The following ITPKB variants were observed in gnomAD, a reference collection of about 807,000 sequenced individuals.
The protein encoded by ITPKB is inositol-trisphosphate 3-kinase B.
In ITPKB, 13 loss-of-function variants were observed where a neutral mutation model predicts 69.4. That is an observed-to-expected ratio of 0.19 (90% CI 0.12 to 0.30). The LOEUF (loss-of-function observed/expected upper bound fraction) is 0.30. ITPKB is among the 10% of genes least tolerant of loss of function. The pLI is 1.00. For missense variants in ITPKB, 1,240 were observed against 1,250.5 expected (o/e 0.99, Z 0.13); for synonymous variants, 584 against 513.7 (o/e 1.14, Z -1.85).
chr1:226,721,374 T>G (rs910260144), intron 2 of ITPKB, among the ~76,000 whole-genome samples: 2 of 136,452 alleles, frequency 1.5e-5, no homozygotes, highest in Admixed American at 7.2e-5. Context: ...AAAAAAGAAA[T>G]AAAAGAAATA....
intron 2 of ITPKB, among the ~76,000 whole-genome samples, chr1:226,706,138 C>T (rs987079701): frequency 6.6e-6 from 1 of 152,224 alleles, no homozygotes; most frequent in Non-Finnish European, 1.5e-5. Flanking sequence ...CCCATTTCCA[C>T]TCCACAAACC....
At chr1:226,638,758 C>T (rs533461007) in intron 6 of ITPKB, among the ~76,000 whole-genome samples, 1 of 152,150 alleles carries the variant, frequency 6.6e-6, no homozygotes, top group African/African-American at 2.4e-5. Context: ...ACCTCGGGCA[C>T]ACAAGATGGG....
At chr1:226,639,737 A>T (rs1162803254) in intron 5 of ITPKB, 79 bp from the exon 6 acceptor site, 3 of 936,050 alleles carry the variant, frequency 3.2e-6, no homozygotes, top group Non-Finnish European at 5.2e-6. Context: ...ACCCAACACC[A>T]CAGAGCAGGC....
At chr1:226,665,946 C>A (rs1323235203) in intron 2 of ITPKB, among the ~76,000 whole-genome samples, 3 of 152,160 alleles carry the variant, frequency 2.0e-5, no homozygotes, top group African/African-American at 4.8e-5. Context: ...AGGAGTAAAT[C>A]ACAGGGCACT....
At chr1:226,703,253 C>G (rs532993736) in intron 2 of ITPKB, among the ~76,000 whole-genome samples, 15 of 152,324 alleles carry the variant, frequency 9.8e-5, no homozygotes, top group Non-Finnish European at 1.8e-4. Flanking sequence ...AGTGCTAGCA[C>G]CCGGGGTGTG....
chr1:226,692,416 C>T lies in ITPKB; in HGVS notation c.1932+43111G>A, dbSNP rs142689689. Among the ~76,000 whole-genome samples, 7 of 152,312 alleles carry T rather than the reference C, an allele frequency of 4.6e-5. No homozygotes were observed. The East Asian group carries it at 1.2e-3, about 25-fold the overall frequency. On this transcript the variant is annotated intron_variant, in intron 2 of 7. Transcript: ENST00000429204. ...CACATGAAATGGCGGGAAGACATTT[C>T]ATAAACACAAGTTCAAAAGCCCCTT...
At position 226,736,247 on chromosome 1, in the gene ITPKB, C is replaced by T. The variant is rs1305389468; in HGVS notation, c.1212G>A (p.Glu404=). 6.4e-7 allele frequency: 1 copy of T among 1,560,216 alleles called. No individual in the cohort carries two copies. The highest frequency in any genetic ancestry group is 8.7e-7 in the Non-Finnish European group (1 of 1,155,854). ...TGGACCAGCTCAGGGAATCAGAGGA[C>T]TCTGCGCTTTGCACGCTCACAGTCG... ...EETTVSVQSA[E]SSDSLSWSRL... is the part of the protein sequence containing the mutation. The change falls in exon 2 of 8, where the codon GAG becomes GAA. Residue 404 remains glutamate (E), a synonymous_variant. Transcript: ENST00000429204.
At chr1:226,646,963 C>G (rs988617305) in intron 4 of ITPKB, among the ~76,000 whole-genome samples, 4 of 152,212 alleles carry the variant, frequency 2.6e-5, no homozygotes, top group Non-Finnish European at 5.9e-5. Context: ...AGGAAAGGGG[C>G]CATCATGGGC....
intron 2 of ITPKB, among the ~76,000 whole-genome samples, chr1:226,658,658 G>T (rs74139746): frequency 1.3e-5 from 2 of 152,048 alleles, no homozygotes; most frequent in African/African-American, 4.8e-5. Flanking sequence ...GTCTCCACCC[G>T]CCGTGTGATG....
chr1:226,713,264 C>T (rs1657017097), intron 2 of ITPKB, among the ~76,000 whole-genome samples: 1 of 152,174 alleles, frequency 6.6e-6, no homozygotes, highest in African/African-American at 2.4e-5. Context: ...TGAGTTGCTG[C>T]CTGTGTCCCC....
intron 2 of ITPKB, among the ~76,000 whole-genome samples, chr1:226,679,940 C>T (rs1055982690): frequency 2.0e-5 from 3 of 152,098 alleles, no homozygotes; most frequent in African/African-American, 7.3e-5. Context: ...GCAGGCCAGG[C>T]GGAGAGGGCA....
At chr1:226,722,974 A>G (rs1048970752) in intron 2 of ITPKB, among the ~76,000 whole-genome samples, 4 of 151,184 alleles carry the variant, frequency 2.6e-5, no homozygotes, top group Non-Finnish European at 5.9e-5. Context: ...AAGGAAGGAG[A>G]GAGTTCCATT....
At chr1:226,649,874 G>GA (rs1669153066) in intron 2 of ITPKB, among the ~76,000 whole-genome samples, 1 of 151,504 alleles carries the variant, frequency 6.6e-6, no homozygotes, top group South Asian at 2.1e-4. Context: ...CATATTTTTA[G>GA]AAAAAATATC....
intron 2 of ITPKB, among the ~76,000 whole-genome samples, chr1:226,727,333 C>G (rs757011936): frequency 6.6e-6 from 1 of 152,122 alleles, no homozygotes; most frequent in Non-Finnish European, 1.5e-5. Context: ...GAGTTGAGCC[C>G]GGAAAGAATG....
At chr1:226,732,302 A>T (rs933886971) in intron 2 of ITPKB, among the ~76,000 whole-genome samples, 3 of 152,152 alleles carry the variant, frequency 2.0e-5, no homozygotes, top group Admixed American at 6.6e-5. Context: ...GCAGTGGTAC[A>T]ATCTCGCCTC....
At chr1:226,694,972 G>GT (rs1656442686) in intron 2 of ITPKB, among the ~76,000 whole-genome samples, 1 of 152,244 alleles carries the variant, frequency 6.6e-6, no homozygotes. Flanking sequence ...GCTCACGCCT[G>GT]TAATCCCAGC....
chr1:226,679,764 G>C (rs911107918), intron 2 of ITPKB, among the ~76,000 whole-genome samples: 1 of 152,182 alleles, frequency 6.6e-6, no homozygotes, highest in African/African-American at 2.4e-5. Context: ...TTTATCCAAT[G>C]ATCTGTAATG....
intron 2 of ITPKB, among the ~76,000 whole-genome samples, chr1:226,668,625 T>C (rs150678201): frequency 6.6e-6 from 1 of 152,386 alleles, no homozygotes; most frequent in African/African-American, 2.4e-5. Flanking sequence ...TGGAATTTAC[T>C]GTGAAATGGG....
At chr1:226,649,326 A>AGTGT (rs1231155398) in intron 2 of ITPKB, among the ~76,000 whole-genome samples, 1 of 138,416 alleles carries the variant, frequency 7.2e-6, no homozygotes, top group Non-Finnish European at 1.5e-5. Flanking sequence ...TGTGTGCATG[A>AGTGT]GTGTGTGCGT....
Sources: allele counts gnomAD v4.1 joint callset (sites outside exome capture counted in the v4.1 genomes callset), GRCh38; gene constraint gnomAD v4.1.1; transcripts MANE v1.5; gene names NCBI Gene and HGNC (gene_info 2026-07-23, HGNC 2026-07-21).